Variants in USP47 observed in about 807,000 individuals in gnomAD.
USP47 encodes ubiquitin carboxyl-terminal hydrolase 47.
A neutral mutation model predicts 165.1 loss-of-function variants in USP47; 35 were observed. That is an observed-to-expected ratio of 0.21 (90% confidence interval 0.16 to 0.28). The LOEUF (loss-of-function observed/expected upper bound fraction) is 0.28. Ranked by LOEUF, USP47 falls within the 10% of genes least tolerant of loss-of-function variation. The probability of loss-of-function intolerance (pLI) is 1.00; values close to 1 mark genes in which losing one functional copy is unlikely to be tolerated. For missense variants in USP47, 1,277 were observed against 1,607.4 expected, an observed-to-expected ratio of 0.79 and a Z score of 3.52; for synonymous variants, 531 against 544.5, an observed-to-expected ratio of 0.98 and a Z score of 0.35.
chr11:11,865,890 A>G (rs779053260), intron 1 of USP47, among the ~76,000 whole-genome samples: 2 of 152,022 alleles, frequency 1.3e-5, no homozygotes, highest in Non-Finnish European at 2.9e-5. Context: ...TTCTGTTGTT[A>G]TGTTATAAGA....
At chr11:11,881,456 C>G (rs1282925539) in intron 2 of USP47, among the ~76,000 whole-genome samples, 1 of 152,086 alleles carries the variant, frequency 6.6e-6, no homozygotes, top group African/African-American at 2.4e-5. Flanking sequence ...GTTTCCTGGC[C>G]TCTATGTCTT....
In USP47 at chr11:11,950,461, G is replaced by A; in HGVS notation, c.3562G>A (p.Val1188Ile). ...TATTAATATTTCCAGCAACTGGGAG[G>A]TTTTCCTTGAAGTTCTTGATGGTAT... is the stretch of plus-strand genomic sequence containing the variant. ...EDINISSNWE[V>I]FLEVLDGVEK... Residue 1188 changes from valine (V) to isoleucine (I), a missense_variant, in exon 24 of 28, where the codon GTT becomes ATT. By Grantham distance (29) the Val-to-Ile change is conservative. Around this residue, in one of 4 missense-constraint regions of USP47, gnomAD observed 909 missense variants for 1,068.1 expected, o/e 0.85. Transcript: ENST00000527733. 6.2e-7 allele frequency: 1 copy of A among 1,605,414 alleles called. No homozygotes were observed. Among genetic ancestry groups the A allele is most frequent in the Non-Finnish European group, 8.5e-7 (1 of 1,176,616 alleles).
intron 24 of USP47, chr11:11,952,356 T>G (rs1242794163): frequency 6.6e-6 from 1 of 152,514 alleles, no homozygotes; most frequent in Non-Finnish European, 1.5e-5. Flanking sequence ...AAGAGAAGGA[T>G]TAATAATAGC....
intron 11 of USP47, among the ~76,000 whole-genome samples, chr11:11,926,774 C>T (rs1183062685): frequency 3.4e-5 from 5 of 148,782 alleles, no homozygotes; most frequent in Admixed American, 6.7e-5. Flanking sequence ...TTTCTGGTTC[C>T]TTGTGGTATA....
At chr11:11,889,192 T>A (rs1851356999) in intron 3 of USP47, among the ~76,000 whole-genome samples, 1 of 152,162 alleles carries the variant, frequency 6.6e-6, no homozygotes, top group Non-Finnish European at 1.5e-5. Flanking sequence ...TATTGGAAGT[T>A]CTGACCTGGG....
chr11:11,845,685 T>G lies in USP47; in HGVS notation c.39+3461T>G, dbSNP rs149158830. Among the ~76,000 whole-genome samples the G allele has an allele frequency of 1.0e-3, 153 of 152,318 alleles. 2 individuals carry two copies. The East Asian group carries it at 0.026, about 26-fold the overall frequency. On this transcript the variant is annotated intron_variant, in intron 1 of 27. Transcript: ENST00000527733. ...ATATTCGTTGATGTGGTGACAGAGT[T>G]GTAAGTAAATTTAGCATTCTAACCA...
intron 8 of USP47, among the ~76,000 whole-genome samples, chr11:11,918,343 A>G (rs1393784609): frequency 6.6e-6 from 1 of 152,152 alleles, no homozygotes; most frequent in Non-Finnish European, 1.5e-5. Flanking sequence ...TCAAGAGACC[A>G]AACAAAATCT....
At chr11:11,843,594 T>G (rs555072802) in intron 1 of USP47, among the ~76,000 whole-genome samples, 2 of 152,348 alleles carry the variant, frequency 1.3e-5, no homozygotes, top group East Asian at 3.9e-4. Context: ...AAATGTGTAT[T>G]TCATTTTAGA....
chr11:11,866,724 T>C (rs1483422642), intron 1 of USP47, among the ~76,000 whole-genome samples: 1 of 152,176 alleles, frequency 6.6e-6, no homozygotes, highest in Non-Finnish European at 1.5e-5. Context: ...TAGATATTTT[T>C]GCTGTTTATA....
intron 8 of USP47, among the ~76,000 whole-genome samples, chr11:11,906,086 A>C (rs1035537709): frequency 6.6e-6 from 1 of 152,152 alleles, no homozygotes; most frequent in African/African-American, 2.4e-5. Context: ...TTAATTATTC[A>C]TATACTGAGT....
At chr11:11,886,428 C>T (rs1421885260) in intron 3 of USP47, among the ~76,000 whole-genome samples, 3 of 152,152 alleles carry the variant, frequency 2.0e-5, no homozygotes, top group African/African-American at 7.2e-5. Context: ...AAATACACTA[C>T]AAGAACTTTA....
At chr11:11,923,512 C>A (rs1854016071) in intron 11 of USP47, among the ~76,000 whole-genome samples, 1 of 151,974 alleles carries the variant, frequency 6.6e-6, no homozygotes, top group Non-Finnish European at 1.5e-5. Context: ...GGATCTTGCC[C>A]CTGTGTCAAT....
intron 1 of USP47, among the ~76,000 whole-genome samples, chr11:11,845,787 A>T (rs1848394151): frequency 6.6e-6 from 1 of 152,224 alleles, no homozygotes; most frequent in Non-Finnish European, 1.5e-5. Context: ...ACATACTTCT[A>T]TGACTAATCT....
chr11:11,945,496 C>T (rs139366654), intron 20 of USP47, among the ~76,000 whole-genome samples: 88 of 152,282 alleles, frequency 5.8e-4, no homozygotes, highest in African/African-American at 2.0e-3. Context: ...AGAATAATTA[C>T]AGATCATTCT....
At chr11:11,856,905 C>T (rs147454021) in intron 1 of USP47, 1 of 152,236 alleles carries the variant, frequency 6.6e-6, no homozygotes, top group Non-Finnish European at 1.5e-5. Context: ...ATTTACTTCT[C>T]TTCTTGGCTG....
intron 3 of USP47, 115 bp downstream of exon 3, chr11:11,884,695 A>G: frequency 1.5e-6 from 1 of 685,080 alleles, no homozygotes; most frequent in South Asian, 2.2e-5. Context: ...TAATAAATTA[A>G]TATTTTTTCA....
intron 10 of USP47, 118 bp downstream of exon 10, chr11:11,920,612 CTT>C (rs1380278530): frequency 1.1e-6 from 1 of 869,718 alleles, no homozygotes; most frequent in Non-Finnish European, 1.6e-6. Context: ...TTGATGGAAA[CTT>C]TTTCTTTCTT....
intron 24 of USP47, chr11:11,952,281 CTTGAAAAGTGACATAA>C (rs1347986166): frequency 6.6e-6 from 1 of 152,182 alleles, no homozygotes; most frequent in Admixed American, 6.5e-5. Context: ...TGAGTTGATG[CTTGAAAAGTGACATAA>C]TGGAAAAGTG....
At chr11:11,865,551 A>G (rs1008652065) in intron 1 of USP47, among the ~76,000 whole-genome samples, 1 of 152,074 alleles carries the variant, frequency 6.6e-6, no homozygotes, top group African/African-American at 2.4e-5. Context: ...TCTTATGGTA[A>G]TACTATGTTT....
Sources: allele counts gnomAD v4.1 joint callset (sites outside exome capture counted in the v4.1 genomes callset), GRCh38; gene constraint gnomAD v4.1.1; regional missense constraint gnomAD v4.1.1; transcripts MANE v1.5; gene names NCBI Gene and HGNC (gene_info 2026-07-23, HGNC 2026-07-21).